The following HPS5 variants were observed in gnomAD, a reference collection of about 807,000 sequenced individuals.
HPS5 encodes HPS5 biogenesis of lysosomal organelles complex 2 subunit 2.
In HPS5, 83 loss-of-function variants were observed where a neutral mutation model predicts 128.0. The ratio of observed to expected loss-of-function variants is 0.65; its 90% CI spans 0.54 to 0.78. The LOEUF (loss-of-function observed/expected upper bound fraction) is 0.78. Among genes scored for constraint, HPS5 ranks in the 30% least tolerant of loss-of-function variants. The pLI is 0.00. For missense variants in HPS5, 1,281 were observed against 1,326.2 expected, an observed-to-expected ratio of 0.97 and a Z score of 0.53; for synonymous variants, 475 against 470.2, an observed-to-expected ratio of 1.01 and a Z score of -0.13.
intron 16 of HPS5, among the ~76,000 whole-genome samples, chr11:18,288,308 T>G (rs949670855): frequency 6.6e-6 from 1 of 152,210 alleles, no homozygotes; most frequent in Non-Finnish European, 1.5e-5. Flanking sequence ...AATGAGTATC[T>G]AGGCCTATAT....
At chr11:18,283,307 C>A (rs1303292220) in intron 21 of HPS5, among the ~76,000 whole-genome samples, 4 of 146,616 alleles carry the variant, frequency 2.7e-5, no homozygotes, top group Middle Eastern at 3.5e-3. Flanking sequence ...TGGCCAGAAT[C>A]ATCTTTAATT....
At chr11:18,299,873 A>T (rs917759134) in intron 9 of HPS5, among the ~76,000 whole-genome samples, 5 of 152,250 alleles carry the variant, frequency 3.3e-5, no homozygotes, top group African/African-American at 1.2e-4. Context: ...AGCTAGGAAC[A>T]GAAAGTTAAA....
At chr11:18,296,500 G>T (rs989254643) in intron 12 of HPS5, 1 of 585,420 alleles carries the variant, frequency 1.7e-6, no homozygotes, top group Admixed American at 3.1e-5. Context: ...TGGTTAGTCA[G>T]AATAAAATCT....
rs1261526707 is a variant in HPS5 at position 18,282,010 on chromosome 11, T to C, written c.3269A>G (p.Glu1090Gly). 1 of 1,614,172 alleles carries C rather than the reference T, an allele frequency of 6.2e-7. No homozygotes were observed. The highest frequency in any genetic ancestry group is 1.7e-5 in the Admixed American group (1 of 60,020). The change falls in exon 22 of 23, where the codon GAG (glutamate) becomes GGG (glycine). Residue 1090 changes from glutamate (E) to glycine (G), a missense_variant. Glu to Gly is a moderately conservative substitution (Grantham distance 98). Coordinates refer to ENST00000349215, the MANE Select transcript of HPS5 (RefSeq NM_181507.2). The stretch of plus-strand genomic sequence containing the variant: ...GGTTCTGGTAAACTTCTCTGACAAC[T>C]CAAGGGCCAGACCACATTCCTGTAG... ...SLLQECGLAL[E>G]LSEKFTRTCD...
At chr11:18,304,741 G>C (rs1302363667) in intron 8 of HPS5, among the ~76,000 whole-genome samples, 4 of 152,194 alleles carry the variant, frequency 2.6e-5, no homozygotes, top group Non-Finnish European at 5.9e-5. Flanking sequence ...TTGTTAACTA[G>C]CCTAAGGGAT....
intron 8 of HPS5, 129 bp downstream of exon 8, chr11:18,305,292 AT>A: frequency 1.5e-6 from 1 of 671,828 alleles, no homozygotes. Flanking sequence ...ATGTAACATA[AT>A]TATTTCCTAA....
intron 16 of HPS5, 150 bp from the exon 17 acceptor site, chr11:18,288,163 C>T (rs1400052714): frequency 2.7e-6 from 2 of 740,428 alleles, no homozygotes; most frequent in Non-Finnish European, 4.3e-6. Context: ...ACAAGAGAAA[C>T]AAATAAAAGT....
At chr11:18,321,357 TCCC>T (rs1389437151) in intron 1 of HPS5, among the ~76,000 whole-genome samples, 1 of 152,196 alleles carries the variant, frequency 6.6e-6, no homozygotes, top group Non-Finnish European at 1.5e-5. Flanking sequence ...TATGGAATCT[TCCC>T]CCATTTACCA....
intron 6 of HPS5, among the ~76,000 whole-genome samples, chr11:18,308,221 C>T (rs1010144534): frequency 6.6e-6 from 1 of 152,232 alleles, no homozygotes; most frequent in Non-Finnish European, 1.5e-5. Context: ...CTGGCTCTAT[C>T]TACCCTTGAG....
intron 3 of HPS5, 64 bp from the exon 4 acceptor site, chr11:18,311,515 T>A (rs1167205178): frequency 0.021 from 15,099 of 707,718 alleles, 8 homozygotes; most frequent in Middle Eastern, 0.051. Flanking sequence ...ATTATTATTT[T>A]TTTTTTTTTT....
Position 18,317,826 on chromosome 11 carries a change from G to A in HPS5, c.33C>T (p.Tyr11=). MAFVPVIPES[Y]SHVLAEFESL... Reference sequence around the variant, plus strand: ...ATTCAAACTCTGCAAGAACATGGCTGTAGGACTCTGGTATCACTGGCACAA... The same window carrying A: ...ATTCAAACTCTGCAAGAACATGGCTATAGGACTCTGGTATCACTGGCACAA... The change falls in exon 2 of 23, where the codon TAC becomes TAT. Residue 11 remains tyrosine (Y), a synonymous_variant. Transcript: ENST00000349215. The A allele has an allele frequency of 6.2e-7, 1 of 1,613,578 alleles. No individual in the cohort carries two copies. The highest frequency in any genetic ancestry group is 1.1e-5 in the South Asian group (1 of 90,922).
intron 18 of HPS5, among the ~76,000 whole-genome samples, chr11:18,287,288 C>T (rs1490059563): frequency 6.6e-6 from 1 of 152,160 alleles, no homozygotes; most frequent in African/African-American, 2.4e-5. Flanking sequence ...GGCCCTGAAT[C>T]AAGGGATTAA....
intron 8 of HPS5, 42 bp downstream of exon 8, chr11:18,305,380 T>G: frequency 7.9e-7 from 1 of 1,267,182 alleles, no homozygotes; most frequent in South Asian, 1.2e-5. Context: ...AAAATCTAAG[T>G]ATTCTTTTTC....
Position 18,287,574 on chromosome 11 carries a change from T to C in HPS5, c.2678A>G (p.Tyr893Cys), listed in dbSNP as rs1268145645. ...CHHHPAEFLA[Y>C]LDSLVKSRPE... ...CCTTGATTTCACCAGACTGTCTAAATAGGCCAAAAACTCAGCAGGATGATG... is the reference window on the plus strand; with the variant it reads ...CCTTGATTTCACCAGACTGTCTAAACAGGCCAAAAACTCAGCAGGATGATG... The change falls in exon 18 of 23, where the codon TAT (tyrosine) becomes TGT (cysteine). Residue 893 changes from tyrosine (Y) to cysteine (C), a missense_variant. By Grantham distance (194) the Tyr-to-Cys change is radical. Coordinates refer to ENST00000349215, the MANE Select transcript of HPS5 (RefSeq NM_181507.2). 7.4e-6 allele frequency: 12 copies of C among 1,614,156 alleles called. No individual in the cohort carries two copies. Among genetic ancestry groups the C allele is most frequent in the East Asian group, 6.7e-5 (3 of 44,870 alleles).
rs1199911466 is a variant in HPS5, at chr11:18,315,859, C to T, written c.108+1892G>A. 2.6e-5 allele frequency among the ~76,000 whole-genome samples: 4 copies of T among 152,194 alleles called. No homozygotes were observed. In the East Asian group the frequency reaches 7.7e-4, roughly 29 times the overall value. ...CCTATGCAGCTCCATCCCTCACCTTCCCATGTCTGCCTCCCACTTGCTAGG... is the reference window on the plus strand; with the variant it reads ...CCTATGCAGCTCCATCCCTCACCTTTCCATGTCTGCCTCCCACTTGCTAGG... On this transcript the variant is annotated intron_variant, in intron 2 of 22. Coordinates refer to ENST00000349215, the MANE Select transcript of HPS5 (RefSeq NM_181507.2).
At chr11:18,296,736 A>T (rs766957357) in intron 12 of HPS5, 62 bp downstream of exon 12, 5 of 1,417,074 alleles carry the variant, frequency 3.5e-6, no homozygotes, top group African/African-American at 1.4e-5. Context: ...TAATCCTGGT[A>T]ACAGGAGCTC....
At position 18,282,111 on chromosome 11, in the gene HPS5, C is replaced by G. The variant is rs766955971; in HGVS notation, c.3168G>C (p.Gly1056=). The change falls in exon 22 of 23, where the codon GGG becomes GGC. Residue 1056 remains glycine (G), a synonymous_variant. Transcript: ENST00000349215. ...CATTCTCCACATTGATGGGGGAAGG[C>G]CCATCACTGAGGCTCCCATTTAGTG... ...QESLNGSLSD[G]PSPINVENVA... 1.2e-6 allele frequency: 2 copies of G among 1,614,036 alleles called. No homozygotes were observed. The highest frequency in any genetic ancestry group is 1.7e-5 in the Admixed American group (1 of 60,004).
chr11:18,296,801 C>A lies in HPS5; in HGVS notation c.1507G>T (p.Glu503Ter), dbSNP rs1207772519. Residue 503 changes from glutamate to a stop codon, truncating the protein, a stop_gained, in exon 12 of 23, where the codon GAA becomes TAA. Coordinates refer to ENST00000349215, the MANE Select transcript of HPS5 (RefSeq NM_181507.2). LOFTEE classifies it high-confidence loss of function. ...CAACAACAGACACATTCATCACCTT[C>A]ATTTCCGTGTGAGCCACAACACTGA... ...PDQCCGSHGN[E>*]DNVSHAPVMF... 6.2e-7 allele frequency: 1 copy of A among 1,614,078 alleles called. No individual in the cohort carries two copies. The highest frequency in any genetic ancestry group is 1.1e-5 in the South Asian group (1 of 91,076).
intron 8 of HPS5, among the ~76,000 whole-genome samples, chr11:18,303,416 A>G (rs1478272543): frequency 6.6e-6 from 1 of 152,242 alleles, no homozygotes; most frequent in Admixed American, 6.5e-5. Context: ...TTGAGGAATC[A>G]GCAGAAGTTT....
Sources: gnomAD v4.1 joint callset for allele counts (sites outside exome capture counted in the v4.1 genomes callset) on GRCh38, gnomAD v4.1.1 for gene constraint, MANE v1.5 for transcripts, NCBI Gene and HGNC (gene_info 2026-07-23, HGNC 2026-07-21) for gene names.